FAM221A: variants seen among roughly 807,000 people sequenced by gnomAD.
FAM221A encodes protein FAM221A.
Under a neutral mutation model 37.6 loss-of-function variants are expected in FAM221A, and 43 were observed. The ratio of observed to expected loss-of-function variants is 1.15; its 90% CI spans 0.90 to 1.48. The LOEUF is 1.48. Ranked by LOEUF, FAM221A falls within the 40% of genes most tolerant of loss-of-function variation. The pLI is 0.00. For synonymous variants in FAM221A, 135 were observed against 132.9 expected, an observed-to-expected ratio of 1.02 and a Z score of -0.11; for missense variants, 361 against 361.5, an observed-to-expected ratio of 1.00 and a Z score of 0.01.
chr7:23,692,468 A>G (rs1784810421), intron 4 of FAM221A: 1 of 205,780 alleles, frequency 4.9e-6, no homozygotes, highest in Middle Eastern at 2.5e-3. Flanking sequence ...CAGCCTCCCG[A>G]CTAGCTGGGA....
At chr7:23,696,817 A>AT (rs1785087392) in intron 4 of FAM221A, among the ~76,000 whole-genome samples, 1 of 152,132 alleles carries the variant, frequency 6.6e-6, no homozygotes, top group Non-Finnish European at 1.5e-5. Flanking sequence ...GGGACTCCAG[A>AT]TTTTTAGCCA....
At chr7:23,687,368 A>C (rs1432146008) in intron 2 of FAM221A, 1 of 152,160 alleles carries the variant, frequency 6.6e-6, no homozygotes, top group Non-Finnish European at 1.5e-5. Flanking sequence ...GTTCTATAAA[A>C]GATTTTATTT....
intron 2 of FAM221A, 93 bp from the exon 3 acceptor site, chr7:23,689,175 TA>T: frequency 1.2e-6 from 1 of 805,664 alleles, no homozygotes; most frequent in Non-Finnish European, 1.8e-6. Flanking sequence ...CAATAATAAT[TA>T]AAAAATCATA....
intron 5 of FAM221A, 92 bp from the exon 6 acceptor site, chr7:23,700,691 CATT>C (rs1785364857): frequency 4.0e-6 from 3 of 752,002 alleles, no homozygotes; most frequent in South Asian, 2.2e-5. Flanking sequence ...AAAAATAAAA[CATT>C]ATCACCGAGC....
chr7:23,697,256 G>C (rs767694562), intron 4 of FAM221A, among the ~76,000 whole-genome samples: 1 of 152,198 alleles, frequency 6.6e-6, no homozygotes, highest in Non-Finnish European at 1.5e-5. Context: ...CTGAGCAATC[G>C]TCCCACACTG....
intron 3 of FAM221A, among the ~76,000 whole-genome samples, chr7:23,690,116 T>G (rs927112794): frequency 6.8e-6 from 1 of 147,318 alleles, no homozygotes; most frequent in African/African-American, 2.5e-5. Flanking sequence ...AAATCTTTCA[T>G]TGGCTGAATA....
chr7:23,693,054 T>A (rs1784843219), intron 4 of FAM221A: 1 of 152,242 alleles, frequency 6.6e-6, no homozygotes, highest in South Asian at 2.1e-4. Context: ...TGCTGTATGG[T>A]ATTCCACACT....
At chr7:23,695,058 C>T (rs1180574765) in intron 4 of FAM221A, 1 of 152,206 alleles carries the variant, frequency 6.6e-6, no homozygotes, top group Non-Finnish European at 1.5e-5. Flanking sequence ...CAGCCTTGAA[C>T]TCCTGGGCTT....
At chr7:23,681,993 T>TG (rs1784068172) in intron 1 of FAM221A, among the ~76,000 whole-genome samples, 1 of 152,266 alleles carries the variant, frequency 6.6e-6, no homozygotes, top group South Asian at 2.1e-4. Flanking sequence ...ACTCACACTG[T>TG]GGGAGGCCCT....
At chr7:23,684,902 A>T (rs952818539) in intron 2 of FAM221A, among the ~76,000 whole-genome samples, 4 of 152,086 alleles carry the variant, frequency 2.6e-5, no homozygotes, top group Non-Finnish European at 2.9e-5. Flanking sequence ...GTGAGCTATG[A>T]TTGTGCAACT....
intron 1 of FAM221A, 61 bp from the exon 2 acceptor site, chr7:23,684,438 T>A: frequency 3.5e-6 from 4 of 1,153,294 alleles, no homozygotes; most frequent in African/African-American, 1.9e-5. Flanking sequence ...AGTGGCCTGG[T>A]CATAGCTCAC....
intron 4 of FAM221A, among the ~76,000 whole-genome samples, chr7:23,697,966 C>G (rs746262586): frequency 6.6e-6 from 1 of 151,792 alleles, no homozygotes; most frequent in Non-Finnish European, 1.5e-5. Flanking sequence ...CCCTATGTTA[C>G]CAAGACTGGT....
chr7:23,698,702 AT>A (rs1785215363), intron 5 of FAM221A, among the ~76,000 whole-genome samples: 1 of 152,230 alleles, frequency 6.6e-6, no homozygotes, highest in Non-Finnish European at 1.5e-5. Context: ...AGTAGAATTC[AT>A]TTTTAAGCAC....
intron 2 of FAM221A, chr7:23,686,386 C>T (rs1584256579): frequency 3.1e-6 from 1 of 326,388 alleles, no homozygotes; most frequent in Non-Finnish European, 6.0e-6. Context: ...ACCTCAGCCT[C>T]CCAAGTAGCT....
At chr7:23,699,115 A>AT (rs1185698578) in intron 5 of FAM221A, among the ~76,000 whole-genome samples, 22,819 of 133,268 alleles carry the variant, frequency 0.17, 2,387 homozygotes, top group African/African-American at 0.28. Flanking sequence ...CAATGCTGGA[A>AT]TTTTTTTTTT....
Position 23,680,299 on chromosome 7 carries a change from C to T in FAM221A, c.65+16C>T. ...AGTACCGGAGGTGAGGCTGTGGCTCCGGGCCTGCCCCCCCGCCGCTCCGAG... is the reference window on the plus strand; with the variant it reads ...AGTACCGGAGGTGAGGCTGTGGCTCTGGGCCTGCCCCCCCGCCGCTCCGAG... On this transcript the variant is annotated intron_variant, in intron 1 of 6. Transcript: ENST00000344962. The T allele has an allele frequency of 6.6e-7, 1 of 1,522,276 alleles. No individual in the cohort carries two copies. Among genetic ancestry groups the T allele is most frequent in the Non-Finnish European group, 8.8e-7 (1 of 1,133,642 alleles). 94.3% of individuals were successfully genotyped at this position (1,522,276 alleles called of 1,614,324 possible).
At chr7:23,680,937 A>T (rs1357140838) in intron 1 of FAM221A, among the ~76,000 whole-genome samples, 2 of 150,988 alleles carry the variant, frequency 1.3e-5, no homozygotes, top group Non-Finnish European at 3.0e-5. Context: ...GGGCGGGAGG[A>T]TGTGTGTGTA....
At position 23,684,652 on chromosome 7, in the gene FAM221A, A is replaced by G. The variant is rs765157798; in HGVS notation, c.219A>G (p.Thr73=). ...ATTGTAAACTTGTGGGCCCAGAGAC[A>G]CTGTGTTTTTGTACACATAGGTAAG... is the stretch of plus-strand genomic sequence containing the variant. ...GMDCKLVGPE[T]LCFCTHRYKQ... Residue 73 remains threonine, a synonymous_variant, in exon 2 of 7, where the codon ACA becomes ACG. Coordinates refer to ENST00000344962, the MANE Select transcript of FAM221A (RefSeq NM_199136.5). 3.1e-6 allele frequency: 5 copies of G among 1,610,884 alleles called. No individual in the cohort carries two copies. The highest frequency in any genetic ancestry group is 4.2e-6 in the Non-Finnish European group (5 of 1,179,246).
chr7:23,700,693 T>C (rs1785365088), intron 5 of FAM221A, 93 bp from the exon 6 acceptor site: 1 of 765,012 alleles, frequency 1.3e-6, no homozygotes, highest in South Asian at 2.2e-5. Context: ...AAATAAAACA[T>C]TATCACCGAG....
Sources: gnomAD v4.1 joint callset for allele counts (sites outside exome capture counted in the v4.1 genomes callset) on GRCh38, gnomAD v4.1.1 for gene constraint, MANE v1.5 for transcripts, NCBI Gene and HGNC (gene_info 2026-07-23, HGNC 2026-07-21) for gene names.